MEP1A: variants seen among roughly 807,000 people sequenced by gnomAD.
The protein encoded by MEP1A is N-benzoyl-L-tyrosyl-P-amino-benzoic acid hydrolase subunit alpha.
Under a neutral mutation model 84.5 loss-of-function variants are expected in MEP1A, and 68 were observed. The observed-to-expected ratio is 0.80, with a 90% CI of 0.66 to 0.98. MEP1A has a LOEUF of 0.98. MEP1A is among the 50% of genes least tolerant of loss of function. The pLI is 0.00. For missense variants in MEP1A, 887 were observed against 919.9 expected (o/e 0.96, Z 0.46); for synonymous variants, 337 against 336.8 (o/e 1.00, Z -0.01).
In MEP1A at chr6:46,826,497, T is replaced by C. The variant is rs1306736348; in HGVS notation, c.922T>C (p.Cys308Arg). The C allele has an allele frequency of 1.3e-6, 2 of 1,563,368 alleles. No homozygotes were observed. The highest frequency in any genetic ancestry group is 1.7e-6 in the Non-Finnish European group (2 of 1,153,430). ...GEVDHTLLGQ[C>R]TGAGYFMQFS... Reference sequence around the variant, plus strand: ...AGTGGATCACACCTTGTTGGGACAATGCACAGGTCAGTGAAAGTGGAAAGC... The same window carrying C: ...AGTGGATCACACCTTGTTGGGACAACGCACAGGTCAGTGAAAGTGGAAAGC... The change falls in exon 9 of 14, where the codon TGC (cysteine) becomes CGC (arginine). Residue 308 changes from cysteine to arginine, a missense_variant. Cys to Arg is a radical substitution (Grantham distance 180). Coordinates refer to ENST00000230588, the MANE Select transcript of MEP1A (RefSeq NM_005588.3).
At chr6:46,798,911 T>C (rs759940486) in intron 4 of MEP1A, among the ~76,000 whole-genome samples, 195 bp from the exon 5 acceptor site, 4 of 152,254 alleles carry the variant, frequency 2.6e-5, no homozygotes, top group Non-Finnish European at 4.4e-5. Flanking sequence ...CTTTATTTTG[T>C]TCTTAATAAT....
At chr6:46,829,962 G>A (rs1768042864) in intron 10 of MEP1A, among the ~76,000 whole-genome samples, 1 of 152,058 alleles carries the variant, frequency 6.6e-6, no homozygotes, top group Non-Finnish European at 1.5e-5. Flanking sequence ...AGAGAGAGTA[G>A]TTAAATAGTT....
chr6:46,826,534 T>C lies in MEP1A; in HGVS notation c.928+31T>C, dbSNP rs555546838. 9 of 1,459,456 alleles carry C rather than the reference T, an allele frequency of 6.2e-6. No homozygotes were observed. In the African/African-American group the frequency reaches 8.5e-5, roughly 14 times the overall value. 90.4% of individuals were successfully genotyped at this position (1,459,456 alleles called of 1,614,324 possible). A position where few individuals can be genotyped will look rare whatever the true frequency, so the allele number is the denominator to read the frequency against. ...TGAAAGTGGAAAGCAAACACATTGA[T>C]GTGGTTCACCAGGTTCAATTAGGTT... On this transcript the variant is annotated intron_variant, in intron 9 of 13. Coordinates refer to ENST00000230588, the MANE Select transcript of MEP1A (RefSeq NM_005588.3).
intron 5 of MEP1A, among the ~76,000 whole-genome samples, chr6:46,799,500 T>C (rs750232103): frequency 1.4e-4 from 22 of 152,210 alleles, no homozygotes; most frequent in Non-Finnish European, 2.5e-4. Flanking sequence ...TTGCACTTTG[T>C]TTAGGTGAAT....
In MEP1A at chr6:46,839,408, T is replaced by C; in HGVS notation, c.*272T>C. ...TTTATTGACTGTCTTTCCTATAGAC[T>C]GTAAGCTCCATGAGGGCAGGCACAT... On this transcript the variant is annotated 3_prime_UTR_variant, in exon 14 of 14. Transcript: ENST00000230588. The C allele has an allele frequency of 7.8e-6, 2 of 255,010 alleles. No individual in the cohort carries two copies. The highest frequency in any genetic ancestry group is 1.5e-5 in the Non-Finnish European group (2 of 133,778). The allele number at this position is 255,010 out of a possible 1,614,324, so 15.8% of individuals were successfully genotyped here.
chr6:46,806,078 G>T (rs952338297), intron 5 of MEP1A, among the ~76,000 whole-genome samples: 1 of 151,814 alleles, frequency 6.6e-6, no homozygotes, highest in Admixed American at 6.6e-5. Context: ...ATTCCCATTT[G>T]TCTGCTGAGA....
At chr6:46,836,559 G>A (rs973126582) in intron 13 of MEP1A, among the ~76,000 whole-genome samples, 1 of 152,114 alleles carries the variant, frequency 6.6e-6, no homozygotes, top group Non-Finnish European at 1.5e-5. Flanking sequence ...AGTACAATTA[G>A]CATAGCCAAG....
At chr6:46,843,273 CT>C (rs1258603150), downstream of MEP1A, among the ~76,000 whole-genome samples, 1 of 152,178 alleles carries the variant, frequency 6.6e-6, no homozygotes, top group African/African-American at 2.4e-5. Context: ...AAATGTCCCC[CT>C]GAGGGGCAAA....
chr6:46,838,416 C>G (rs1421210279), intron 13 of MEP1A, among the ~76,000 whole-genome samples: 1 of 152,152 alleles, frequency 6.6e-6, no homozygotes, highest in Non-Finnish European at 1.5e-5. Context: ...TGTTAAATAC[C>G]TTGATAAGTA....
chr6:46,835,935 T>G (rs928656145), intron 13 of MEP1A, among the ~76,000 whole-genome samples: 1 of 152,256 alleles, frequency 6.6e-6, no homozygotes, highest in Admixed American at 6.5e-5. Flanking sequence ...TATTAGTTCC[T>G]AATTATTATT....
At chr6:46,811,656 A>G (rs1334601963) in intron 6 of MEP1A, among the ~76,000 whole-genome samples, 1 of 151,878 alleles carries the variant, frequency 6.6e-6, no homozygotes, top group Non-Finnish European at 1.5e-5. Context: ...TTCTGTGCCA[A>G]TTTTGCTGAG....
At chr6:46,827,738 C>A (rs1471903770) in intron 9 of MEP1A, among the ~76,000 whole-genome samples, 1 of 152,184 alleles carries the variant, frequency 6.6e-6, no homozygotes, top group Non-Finnish European at 1.5e-5. Context: ...AAAGGTTGAT[C>A]CAAGCCTGAA....
downstream of MEP1A, among the ~76,000 whole-genome samples, chr6:46,841,897 C>T (rs894419009): frequency 6.6e-6 from 1 of 152,208 alleles, no homozygotes; most frequent in African/African-American, 2.4e-5. Context: ...TGCGGGAAGT[C>T]AGGGACCTCG....
intron 6 of MEP1A, among the ~76,000 whole-genome samples, chr6:46,817,416 G>C (rs1396573644): frequency 6.6e-6 from 1 of 152,158 alleles, no homozygotes; most frequent in African/African-American, 2.4e-5. Flanking sequence ...TTATTTTTCT[G>C]TAAAGGGGAA....
chr6:46,824,871 GATCTATTTAAATATATATAAATTATA>G (rs1562113614), intron 7 of MEP1A, among the ~76,000 whole-genome samples: 4 of 83,294 alleles, frequency 4.8e-5, no homozygotes, highest in African/African-American at 2.4e-4. Context: ...TATTTAAATA[GATCTATTTAAATATATATAAATTATA>G]TATATAAATT....
chr6:46,814,352 G>T (rs762098250), intron 6 of MEP1A, among the ~76,000 whole-genome samples: 2 of 152,054 alleles, frequency 1.3e-5, no homozygotes, highest in South Asian at 4.1e-4. Flanking sequence ...AGACTTTCCA[G>T]TGCATTTTGC....
intron 3 of MEP1A, among the ~76,000 whole-genome samples, chr6:46,795,303 TC>T (rs1213121268): frequency 6.6e-6 from 1 of 152,134 alleles, no homozygotes. Context: ...TTTTCTCTTT[TC>T]TTTTCTTTTC....
intron 3 of MEP1A, among the ~76,000 whole-genome samples, chr6:46,797,885 TC>T (rs1767094275): frequency 2.5e-5 from 1 of 39,988 alleles, no homozygotes; most frequent in East Asian, 7.4e-4. Flanking sequence ...CTTCCTTCCT[TC>T]CTTCCTTCCT....
intron 5 of MEP1A, among the ~76,000 whole-genome samples, chr6:46,801,880 C>G (rs565104349): frequency 6.6e-6 from 1 of 152,102 alleles, no homozygotes; most frequent in East Asian, 1.9e-4. Context: ...AAGTACTCTT[C>G]GCAAGAGTCT....
Sources: gnomAD v4.1 joint callset for allele counts (sites outside exome capture counted in the v4.1 genomes callset) on GRCh38, gnomAD v4.1.1 for gene constraint, MANE v1.5 for transcripts, NCBI Gene and HGNC (gene_info 2026-07-23, HGNC 2026-07-21) for gene names.